R3HDM1: variants seen among roughly 807,000 people sequenced by gnomAD.
R3HDM1 encodes R3H domain-containing protein 1.
R3HDM1 carries 46 observed loss-of-function variants against 141.1 expected under a neutral mutation model. That is an observed-to-expected ratio of 0.33 (90% confidence interval 0.26 to 0.42). The LOEUF (loss-of-function observed/expected upper bound fraction) is 0.42, where lower values mean the gene tolerates loss of function less well. R3HDM1 is among the 10% of genes least tolerant of loss of function. R3HDM1 has a pLI of 1.00. For synonymous variants in R3HDM1, 435 were observed against 472.9 expected (o/e 0.92, Z 1.04); for missense variants, 1,184 against 1,368.3 (o/e 0.87, Z 2.12).
In R3HDM1 at chr2:135,649,882, GC is replaced by G; in HGVS notation, c.1624-18del. On this transcript the variant is annotated intron_variant, in intron 16 of 26. Coordinates refer to ENST00000683871, the MANE Select transcript of R3HDM1 (RefSeq NM_001378107.1). ...TTTTATTCTGACATTAACATTGTTT[GC>G]CAACCTGTTATTCTTTAGCCTGTTC... 8.4e-7 allele frequency: 1 copy of G among 1,192,532 alleles called. No homozygotes were observed. Among genetic ancestry groups the G allele is most frequent in the South Asian group, 1.6e-5 (1 of 61,582 alleles). The allele number at this position is 1,192,532 out of a possible 1,614,324, so 73.9% of individuals were successfully genotyped here. A position where few individuals can be genotyped will look rare whatever the true frequency, so the allele number is the denominator to read the frequency against.
At chr2:135,608,766 T>A (rs1301931729) in intron 3 of R3HDM1, among the ~76,000 whole-genome samples, 1 of 152,178 alleles carries the variant, frequency 6.6e-6, no homozygotes, top group Non-Finnish European at 1.5e-5. Context: ...TAATGTAGGT[T>A]TTCTATTGAG....
chr2:135,724,076 C>A lies in R3HDM1; in HGVS notation c.3189C>A (p.His1063Gln), dbSNP rs777304949. Reference sequence around the variant, plus strand: ...ACCCCCAGTCCCAACCACGTCGTCACCCCCTCTGCTGTGGCAGTGGGGACA... The same window carrying A: ...ACCCCCAGTCCCAACCACGTCGTCAACCCCTCTGCTGTGGCAGTGGGGACA... ...LRDPQSQPRR[H>Q]PLCCGSGDNT... Residue 1063 changes from histidine (H) to glutamine (Q), a missense_variant, in exon 27 of 27, where the codon CAC becomes CAA. Around this residue, in one of 5 missense-constraint regions of R3HDM1, gnomAD observed 182 missense variants for 252.6 expected, o/e 0.72. Coordinates refer to ENST00000683871, the MANE Select transcript of R3HDM1 (RefSeq NM_001378107.1). The A allele has an allele frequency of 2.5e-6, 4 of 1,613,998 alleles. No individual in the cohort carries two copies. Among genetic ancestry groups the A allele is most frequent in the African/African-American group, 2.7e-5 (2 of 74,906 alleles).
intron 21 of R3HDM1, among the ~76,000 whole-genome samples, chr2:135,700,873 T>C (rs2074096450): frequency 6.6e-6 from 1 of 152,170 alleles, no homozygotes; most frequent in African/African-American, 2.4e-5. Context: ...TCATGTACAG[T>C]AGTCCCCCTT....
intron 21 of R3HDM1, among the ~76,000 whole-genome samples, chr2:135,695,412 TAAGGGGC>T (rs1335175513): frequency 6.6e-5 from 10 of 152,244 alleles, no homozygotes; most frequent in African/African-American, 2.4e-4. Context: ...TCATTGCTCT[TAAGGGGC>T]TAATTCATGT....
chr2:135,715,472 C>A (rs544951001), intron 23 of R3HDM1, 78 bp from the exon 24 acceptor site: 12 of 1,451,290 alleles, frequency 8.3e-6, no homozygotes, highest in East Asian at 2.3e-5. Flanking sequence ...CTAACAAGTA[C>A]GTATATGTAA....
At chr2:135,639,190 T>C (rs1176984753) in intron 14 of R3HDM1, 68 bp downstream of exon 14, 50 of 1,437,852 alleles carry the variant, frequency 3.5e-5, no homozygotes, top group Non-Finnish European at 4.8e-5. Flanking sequence ...CAGGTCCTTA[T>C]TTATCAGATG....
chr2:135,625,537 C>T (rs1254019054), intron 7 of R3HDM1, among the ~76,000 whole-genome samples: 2 of 152,120 alleles, frequency 1.3e-5, no homozygotes, highest in Admixed American at 1.3e-4. Context: ...ATTTGGTCTG[C>T]CTCCGTTTCC....
chr2:135,594,473 T>C (rs1408165229), intron 1 of R3HDM1, among the ~76,000 whole-genome samples: 1 of 152,210 alleles, frequency 6.6e-6, no homozygotes, highest in African/African-American at 2.4e-5. Context: ...TCTTGTAGTT[T>C]ACAGACTTCT....
At position 135,616,716 on chromosome 2, in the gene R3HDM1, T is replaced by A; in HGVS notation, c.262T>A (p.Ser88Thr). The change falls in exon 5 of 27, where the codon TCT (serine) becomes ACT (threonine). Residue 88 changes from serine (S) to threonine (T), a missense_variant. Ser to Thr is a moderately conservative substitution (Grantham distance 58, BLOSUM62 1). Around this residue, in one of 5 missense-constraint regions of R3HDM1, gnomAD observed 192 missense variants for 215.7 expected, o/e 0.89. Coordinates refer to ENST00000683871, the MANE Select transcript of R3HDM1 (RefSeq NM_001378107.1). Reference protein sequence around the residue: ...LVRSLAVCEESPPPPAPEISQ... With the variant: ...LVRSLAVCEETPPPPAPEISQ... ...TCGGAGCCTTGCAGTGTGTGAAGAA[T>A]CTCCACCACCCCCTGCACCAGAGAT... The A allele has an allele frequency of 1.2e-6, 2 of 1,609,878 alleles. No homozygotes were observed. The highest frequency in any genetic ancestry group is 1.3e-5 in the African/African-American group (1 of 74,966).
chr2:135,642,737 G>T (rs2063933387), intron 15 of R3HDM1, among the ~76,000 whole-genome samples: 2 of 152,032 alleles, frequency 1.3e-5, no homozygotes, highest in Non-Finnish European at 1.5e-5. Context: ...AGTGTTCCTG[G>T]CCCTTTCCTT....
chr2:135,633,816 A>G (rs1006000990), intron 9 of R3HDM1: 1 of 152,202 alleles, frequency 6.6e-6, no homozygotes, highest in Non-Finnish European at 1.5e-5. Flanking sequence ...TCAGGCATCT[A>G]TAAAAGAATG....
At chr2:135,536,761 G>A in intron 1 of R3HDM1, 1 of 966,284 alleles carries the variant, frequency 1.0e-6, no homozygotes, top group Non-Finnish European at 1.2e-6. Flanking sequence ...ACCCTTAGGA[G>A]CTGGGCCACA....
At chr2:135,539,627 C>A in intron 1 of R3HDM1, among the ~76,000 whole-genome samples, 1 of 150,542 alleles carries the variant, frequency 6.6e-6, no homozygotes, top group African/African-American at 2.5e-5. Context: ...TACCCTGGTG[C>A]ATTTAAAAGT....
intron 3 of R3HDM1, among the ~76,000 whole-genome samples, chr2:135,611,505 A>G (rs569813816): frequency 2.8e-4 from 42 of 152,208 alleles, no homozygotes; most frequent in Non-Finnish European, 5.0e-4. Context: ...ACACGATTCT[A>G]TGGCTTCTCA....
At chr2:135,638,478 T>C in intron 11 of R3HDM1, 140 bp from the exon 12 acceptor site, 1 of 799,342 alleles carries the variant, frequency 1.3e-6, no homozygotes, top group Non-Finnish European at 1.9e-6. Flanking sequence ...AAAAATTCCA[T>C]TATTATTTAT....
intron 16 of R3HDM1, among the ~76,000 whole-genome samples, chr2:135,647,962 C>T (rs533357606): frequency 1.3e-5 from 2 of 152,278 alleles, no homozygotes; most frequent in African/African-American, 4.8e-5. Context: ...AATTCATACC[C>T]TTGGTGCTCA....
chr2:135,611,412 G>T (rs191074452), intron 3 of R3HDM1, among the ~76,000 whole-genome samples: 83 of 152,224 alleles, frequency 5.5e-4, no homozygotes, highest in Admixed American at 3.7e-3. Flanking sequence ...GAGAAAAAAA[G>T]ATATATGTAA....
chr2:135,723,921 A>G lies in R3HDM1; in HGVS notation c.3050-16A>G, dbSNP rs758250829. Reference sequence around the variant, plus strand: ...GGTAACAGGAATGTATTGATTCTGTACCTTTTCTATTCTAGTTGTTGGGAA... The same window carrying G: ...GGTAACAGGAATGTATTGATTCTGTGCCTTTTCTATTCTAGTTGTTGGGAA... On this transcript the variant is annotated splice_polypyrimidine_tract_variant and intron_variant, in intron 26 of 26. Coordinates refer to ENST00000683871, the MANE Select transcript of R3HDM1 (RefSeq NM_001378107.1). 1 of 1,587,280 alleles carries G rather than the reference A, an allele frequency of 6.3e-7. No individual in the cohort carries two copies. Among genetic ancestry groups the G allele is most frequent in the Non-Finnish European group, 8.6e-7 (1 of 1,161,190 alleles).
intron 11 of R3HDM1, among the ~76,000 whole-genome samples, chr2:135,637,413 G>A (rs2063365101): frequency 6.6e-6 from 1 of 152,156 alleles, no homozygotes. Context: ...CCACCACTAT[G>A]GGAGCACTGA....
Sources: allele counts gnomAD v4.1 joint callset (sites outside exome capture counted in the v4.1 genomes callset), GRCh38; gene constraint gnomAD v4.1.1; regional missense constraint gnomAD v4.1.1; transcripts MANE v1.5; gene names NCBI Gene and HGNC (gene_info 2026-07-23, HGNC 2026-07-21).